BEST4: variants seen among roughly 807,000 people sequenced by gnomAD.
BEST4 encodes bestrophin-4.
In BEST4, 36 loss-of-function variants were observed where a neutral mutation model predicts 47.1. The observed-to-expected ratio is 0.76, with a 90% CI of 0.59 to 1.01. BEST4 has a LOEUF of 1.01. BEST4 is among the 50% of genes least tolerant of loss of function. The pLI, the probability that BEST4 is intolerant of heterozygous loss-of-function variation, is 0.00. For synonymous variants in BEST4, 250 were observed against 277.8 expected, an observed-to-expected ratio of 0.90 and a Z score of 1.00; for missense variants, 550 against 648.6, an observed-to-expected ratio of 0.85 and a Z score of 1.65.
At chr1:44,782,455 C>A (rs1651067498), downstream of BEST4, among the ~76,000 whole-genome samples, 1 of 151,774 alleles carries the variant, frequency 6.6e-6, no homozygotes, top group African/African-American at 2.4e-5. Flanking sequence ...TGGTGACACC[C>A]CGGTCTCTAC....
At chr1:44,791,641 C>A (rs555144074), upstream of BEST4, among the ~76,000 whole-genome samples, 1 of 152,148 alleles carries the variant, frequency 6.6e-6, no homozygotes, top group Non-Finnish European at 1.5e-5. Flanking sequence ...CCAGTCCCTA[C>A]CTCCTGAATC....
chr1:44,784,597 G>A lies in BEST4; in HGVS notation c.1148+32C>T, dbSNP rs749471926. Reference sequence around the variant, plus strand: ...CCCCAGAGGCTGAGCGAGGACCCGCGTGCCGGGTCAGGCCCAGTGCAAGCC... The same window carrying A: ...CCCCAGAGGCTGAGCGAGGACCCGCATGCCGGGTCAGGCCCAGTGCAAGCC... On this transcript the variant is annotated intron_variant, in intron 8 of 8. Transcript: ENST00000372207. The surrounding 1 kb of genome is among the most constrained non-coding windows in gnomAD (Gnocchi z 6.2). 2.5e-6 allele frequency: 4 copies of A among 1,599,804 alleles called. No homozygotes were observed. In the African/African-American group the frequency reaches 5.4e-5, roughly 21 times the overall value.
chr1:44,786,742 G>C lies in BEST4; in HGVS notation c.248-46C>G. The C allele has an allele frequency of 6.2e-6, 9 of 1,458,804 alleles. No individual in the cohort carries two copies. Among genetic ancestry groups the C allele is most frequent in the Non-Finnish European group, 8.4e-6 (9 of 1,072,572 alleles). 90.4% of individuals were successfully genotyped at this position (1,458,804 alleles called of 1,614,324 possible). ...AGGGAGTAGGAAGGGAGAGTGGAGA[G>C]CCTGGGGGTCGGAGCGCCTCACCTC... On this transcript the variant is annotated intron_variant, in intron 2 of 8. Transcript: ENST00000372207. The surrounding 1 kb of genome is among the most constrained non-coding windows in gnomAD (Gnocchi z 4.9).
chr1:44,787,779 C>G lies in BEST4; in HGVS notation c.-74G>C, dbSNP rs1651302197. 7 of 1,563,900 alleles carry G rather than the reference C, an allele frequency of 4.5e-6. No homozygotes were observed. The Admixed American group carries it at 1.2e-4, about 27-fold the overall frequency. ...GTCGTTTAGTTCTCCAGACAACCTC[C>G]CTTCCACTCTGGTCTCACACACCCC... On this transcript the variant is annotated 5_prime_UTR_variant, in exon 1 of 9. Coordinates refer to ENST00000372207, the MANE Select transcript of BEST4 (RefSeq NM_153274.3).
At position 44,786,571 on chromosome 1, in the gene BEST4, G is replaced by A; in HGVS notation, c.373C>T (p.Arg125Cys). 1.9e-6 allele frequency: 3 copies of A among 1,550,136 alleles called. No homozygotes were observed. Among genetic ancestry groups the A allele is most frequent in the Non-Finnish European group, 2.6e-6 (3 of 1,147,038 alleles). Reference sequence around the variant, plus strand: ...TTCGCGTAGCGGATGAGGGTGCGGCGCAGCAGGCGGCCCCGCTGGTCCACG... The same window carrying A: ...TTCGCGTAGCGGATGAGGGTGCGGCACAGCAGGCGGCCCCGCTGGTCCACG... ...HGVDQRGRLL[R>C]RTLIRYANLA... Residue 125 changes from arginine to cysteine, a missense_variant, in exon 3 of 9, where the codon CGC (arginine) becomes TGC (cysteine). This residue lies in a region of BEST4 where 291 missense variants were observed against 342.4 expected (regional missense o/e 0.85). Transcript: ENST00000372207. The surrounding 1 kb of genome is among the most constrained non-coding windows in gnomAD (Gnocchi z 4.9).
In BEST4 at chr1:44,784,570, T is replaced by C; in HGVS notation, c.1148+59A>G. On this transcript the variant is annotated intron_variant, in intron 8 of 8. Transcript: ENST00000372207. This position sits in a 1 kb window ranked among gnomAD's most constrained non-coding sequence, Gnocchi z 6.2. The stretch of plus-strand genomic sequence containing the variant: ...TCTCGGGGAAGGACCGAGGCATCGG[T>C]GCCCCAGAGGCTGAGCGAGGACCCG... 6.4e-7 allele frequency: 1 copy of C among 1,558,792 alleles called. No homozygotes were observed. Among genetic ancestry groups the C allele is most frequent in the Admixed American group, 2.0e-5 (1 of 50,838 alleles).
At chr1:44,791,210 GA>G (rs1183471984), upstream of BEST4, among the ~76,000 whole-genome samples, 4 of 143,608 alleles carry the variant, frequency 2.8e-5, no homozygotes, top group African/African-American at 1.1e-4. Context: ...GACTCAGAGA[GA>G]GAGAGAGAGA....
chr1:44,789,266 AAGAAAG>A (rs1270504452), upstream of BEST4, among the ~76,000 whole-genome samples: 1 of 145,818 alleles, frequency 6.9e-6, no homozygotes, highest in African/African-American at 2.5e-5. Flanking sequence ...AAAGAAAAGA[AAGAAAG>A]AAAAAGAAAA....
Position 44,784,611 on chromosome 1 carries a change from C to T in BEST4, c.1148+18G>A, listed in dbSNP as rs530826885. ...CGAGGACCCGCGTGCCGGGTCAGGC[C>T]CAGTGCAAGCCACTCACCGCAGGTT... On this transcript the variant is annotated intron_variant, in intron 8 of 8. Transcript: ENST00000372207. The surrounding 1 kb of genome is among the most constrained non-coding windows in gnomAD (Gnocchi z 6.2). The T allele has an allele frequency of 2.6e-5, 42 of 1,609,758 alleles. No homozygotes were observed. The highest frequency in any genetic ancestry group is 2.3e-4 in the South Asian group (21 of 90,706).
downstream of BEST4, among the ~76,000 whole-genome samples, chr1:44,783,082 GAAGCTGGGATTAC>G (rs1651089128): frequency 6.6e-6 from 1 of 151,996 alleles, no homozygotes; most frequent in Non-Finnish European, 1.5e-5. Flanking sequence ...AGCCTCCCAA[GAAGCTGGGATTAC>G]AGGCATCCAC....
At chr1:44,789,312 A>C (rs1000575768), upstream of BEST4, among the ~76,000 whole-genome samples, 1 of 151,180 alleles carries the variant, frequency 6.6e-6, no homozygotes, top group Non-Finnish European at 1.5e-5. Flanking sequence ...CAATGGGAGA[A>C]TCGCTTGAAC....
chr1:44,781,990 C>A (rs1651053611), downstream of BEST4, among the ~76,000 whole-genome samples: 1 of 150,270 alleles, frequency 6.7e-6, no homozygotes, highest in Admixed American at 6.7e-5. Context: ...TGGTGAAACC[C>A]CATCTCTACT....
chr1:44,789,499 G>A (rs1651355163), upstream of BEST4, among the ~76,000 whole-genome samples: 1 of 151,470 alleles, frequency 6.6e-6, no homozygotes, highest in Non-Finnish European at 1.5e-5. Flanking sequence ...GGGAGTTCGA[G>A]ATCAGCCTGA....
At position 44,788,013 on chromosome 1, in the gene BEST4, G is replaced by A. The variant is rs1398806547; in HGVS notation, c.-308C>T. On this transcript the variant is annotated 5_prime_UTR_variant, in exon 1 of 9. Coordinates refer to ENST00000372207, the MANE Select transcript of BEST4 (RefSeq NM_153274.3). Reference sequence around the variant, plus strand: ...AGGGATAACCAGATCCTGAACTGCTGCGGACAAGAGACGCAGCTCCAGCCC... The same window carrying A: ...AGGGATAACCAGATCCTGAACTGCTACGGACAAGAGACGCAGCTCCAGCCC... 6.6e-6 allele frequency among the ~76,000 whole-genome samples: 1 copy of A among 152,208 alleles called. No homozygotes were observed. Among genetic ancestry groups the A allele is most frequent in the Non-Finnish European group, 1.5e-5 (1 of 68,036 alleles).
At chr1:44,791,439 G>A (rs892789027), upstream of BEST4, among the ~76,000 whole-genome samples, 7 of 151,986 alleles carry the variant, frequency 4.6e-5, no homozygotes, top group Non-Finnish European at 8.8e-5. Flanking sequence ...AGCTCAGGCC[G>A]TGTCTCCCTG....
Position 44,784,263 on chromosome 1 carries a change from C to G in BEST4, c.1369G>C (p.Ala457Pro). 1 of 1,451,558 alleles carries G rather than the reference C, an allele frequency of 6.9e-7. No homozygotes were observed. The highest frequency in any genetic ancestry group is 9.0e-7 in the Non-Finnish European group (1 of 1,111,222). 89.9% of individuals were successfully genotyped at this position (1,451,558 alleles called of 1,614,324 possible). A position where few individuals can be genotyped will look rare whatever the true frequency, so the allele number is the denominator to read the frequency against. The change falls in exon 9 of 9, where the codon GCC (alanine) becomes CCC (proline). Residue 457 changes from alanine to proline, a missense_variant. Ala to Pro is a conservative substitution (Grantham distance 27). Around this residue, in one of 3 missense-constraint regions of BEST4, gnomAD observed 255 missense variants for 286.6 expected, o/e 0.89. Coordinates refer to ENST00000372207, the MANE Select transcript of BEST4 (RefSeq NM_153274.3). This position sits in a 1 kb window ranked among gnomAD's most constrained non-coding sequence, Gnocchi z 6.2. The stretch of plus-strand genomic sequence containing the variant: ...TCCGCCGATTCCTCCTCGATGCGGG[C>G]TGCGGCCTCGGGGTCGCCGCCCTCC... ...AEEGGDPEAA[A>P]RIEEESAESG...
At chr1:44,789,650 A>G (rs1433570961), upstream of BEST4, among the ~76,000 whole-genome samples, 1 of 151,962 alleles carries the variant, frequency 6.6e-6, no homozygotes, top group African/African-American at 2.4e-5. Flanking sequence ...GTGAGCCGAG[A>G]TCATGCCATT....
At position 44,785,100 on chromosome 1, in the gene BEST4, G is replaced by C; in HGVS notation, c.912+8C>G. On this transcript the variant is annotated splice_region_variant and intron_variant, in intron 6 of 8. Transcript: ENST00000372207. The stretch of plus-strand genomic sequence containing the variant: ...GAGCAGGCTGGCATGCCCATCTGCA[G>C]TGCCCACCTTGAGCCAGCCAGCATA... 6.2e-7 allele frequency: 1 copy of C among 1,612,572 alleles called. No homozygotes were observed. Among genetic ancestry groups the C allele is most frequent in the South Asian group, 1.1e-5 (1 of 90,850 alleles).
chr1:44,791,204 C>CAG (rs35806425), upstream of BEST4, among the ~76,000 whole-genome samples: 7,554 of 147,982 alleles, frequency 0.051, 393 homozygotes, highest in East Asian at 0.14. Flanking sequence ...GAACAGGACT[C>CAG]AGAGAGAGAG....
Sources: allele counts gnomAD v4.1 joint callset (sites outside exome capture counted in the v4.1 genomes callset), GRCh38; gene constraint gnomAD v4.1.1; regional missense constraint gnomAD v4.1.1; non-coding constraint Gnocchi (gnomAD v3.1); transcripts MANE v1.5; gene names NCBI Gene and HGNC (gene_info 2026-07-23, HGNC 2026-07-21).